HDAC4: variants seen among roughly 807,000 people sequenced by gnomAD.
The protein encoded by HDAC4 is histone deacetylase 4.
In HDAC4, 16 loss-of-function variants were observed where a neutral mutation model predicts 135.1. The ratio of observed to expected loss-of-function variants is 0.12; its 90% CI spans 0.08 to 0.18. The LOEUF is 0.18. Among genes scored for constraint, HDAC4 ranks in the 10% least tolerant of loss-of-function variants. The pLI is 1.00. For synonymous variants in HDAC4, 685 were observed against 653.4 expected (o/e 1.05, Z -0.74); for missense variants, 1,143 against 1,511.8 (o/e 0.76, Z 4.05).
intron 24 of HDAC4, chr2:239,055,139 C>T (rs2031613182): frequency 2.8e-6 from 1 of 362,724 alleles, no homozygotes; most frequent in African/African-American, 2.1e-5. Flanking sequence ...GCCATCGACG[C>T]CACAGGGTTC....
chr2:239,149,920 G>C (rs146758534), intron 7 of HDAC4, among the ~76,000 whole-genome samples: 1 of 152,248 alleles, frequency 6.6e-6, no homozygotes, highest in African/African-American at 2.4e-5. Flanking sequence ...CAATGTTTTG[G>C]AATATACATA....
At chr2:239,362,855 G>GA (rs1289053131) in intron 1 of HDAC4, among the ~76,000 whole-genome samples, 1 of 152,116 alleles carries the variant, frequency 6.6e-6, no homozygotes, top group Non-Finnish European at 1.5e-5. Context: ...GATTACAAAG[G>GA]AAAATGTCAC....
At chr2:239,101,292 T>C (rs961317677) in intron 16 of HDAC4, among the ~76,000 whole-genome samples, 3 of 152,214 alleles carry the variant, frequency 2.0e-5, no homozygotes, top group African/African-American at 7.2e-5. Context: ...ACAGCCCTAC[T>C]GGCTCCATGG....
At chr2:239,111,953 G>C (rs185053775) in intron 13 of HDAC4, among the ~76,000 whole-genome samples, 3 of 152,180 alleles carry the variant, frequency 2.0e-5, no homozygotes, top group Non-Finnish European at 4.4e-5. Context: ...GTCTCTCTAG[G>C]GAAGGCAGGC....
intron 3 of HDAC4, among the ~76,000 whole-genome samples, chr2:239,192,423 A>C (rs2045049071): frequency 1.3e-5 from 2 of 152,240 alleles, no homozygotes; most frequent in South Asian, 4.1e-4. Flanking sequence ...GTTTTATGAA[A>C]CATCAGCGTT....
chr2:239,066,923 C>T (rs773541160), intron 23 of HDAC4, 68 bp from the exon 24 acceptor site: 10 of 1,564,074 alleles, frequency 6.4e-6, no homozygotes, highest in South Asian at 3.4e-5. Context: ...CCCAGAAACG[C>T]GTCTCATGGC....
In HDAC4 at chr2:239,308,910, C is replaced by G. The variant is rs2052740193; in HGVS notation, c.22+43768G>C. Among the ~76,000 whole-genome samples the G allele has an allele frequency of 6.6e-6, 1 of 152,130 alleles. No individual in the cohort carries two copies. The highest frequency in any genetic ancestry group is 1.5e-5 in the Non-Finnish European group (1 of 68,014). ...AAGCCCTCGGAAGCACGCTGCAGGC[C>G]CCTGGAGGTGCCACAGTGCTCCCAG... On this transcript the variant is annotated intron_variant, in intron 2 of 26. Transcript: ENST00000543185. The surrounding 1 kb of genome is among the most constrained non-coding windows in gnomAD (Gnocchi z 4.2).
intron 24 of HDAC4, among the ~76,000 whole-genome samples, chr2:239,056,367 A>T (rs1277773410): frequency 6.6e-6 from 1 of 152,162 alleles, no homozygotes; most frequent in Non-Finnish European, 1.5e-5. Flanking sequence ...AAAATACAAG[A>T]CACGAGAGCC....
intron 6 of HDAC4, among the ~76,000 whole-genome samples, chr2:239,157,756 T>C (rs188576356): frequency 2.0e-5 from 3 of 152,360 alleles, no homozygotes; most frequent in African/African-American, 7.2e-5. Context: ...CCTGGAGTTA[T>C]TTGAATTAAG....
In HDAC4 at chr2:239,197,550, C is replaced by G. The variant is rs2045473352; in HGVS notation, c.95-7473G>C. Among the ~76,000 whole-genome samples, 4 of 152,208 alleles carry G rather than the reference C, an allele frequency of 2.6e-5. No homozygotes were observed. In the South Asian group the frequency reaches 8.3e-4, roughly 31 times the overall value. On this transcript the variant is annotated intron_variant, in intron 3 of 26. Transcript: ENST00000543185. ...TTCCCATTCTCTCCTTCTGGAACTT[C>G]TACCCCTTGAGTAGGAGATCTCCCA...
At chr2:239,367,443 T>A (rs1694295755) in intron 1 of HDAC4, among the ~76,000 whole-genome samples, 1 of 152,166 alleles carries the variant, frequency 6.6e-6, no homozygotes, top group Non-Finnish European at 1.5e-5. Context: ...AGTAAGCACG[T>A]TTTTTAGATG....
chr2:239,061,780 C>T (rs913650891), intron 24 of HDAC4, among the ~76,000 whole-genome samples: 5 of 152,236 alleles, frequency 3.3e-5, no homozygotes, highest in African/African-American at 9.6e-5. Flanking sequence ...GCTAAACTCC[C>T]GGGGGAAAAC....
chr2:239,297,088 A>G (rs2051949666), intron 2 of HDAC4, among the ~76,000 whole-genome samples: 1 of 151,154 alleles, frequency 6.6e-6, no homozygotes, highest in African/African-American at 2.4e-5. Context: ...GGGCTGGCCT[A>G]TGCATCCTTG....
intron 2 of HDAC4, among the ~76,000 whole-genome samples, chr2:239,322,515 C>A (rs1209899694): frequency 1.3e-5 from 2 of 152,264 alleles, no homozygotes; most frequent in Non-Finnish European, 2.9e-5. Context: ...GACTCCATCA[C>A]TGCCAGCCAT....
Position 239,309,274 on chromosome 2 carries a change from G to A in HDAC4, c.22+43404C>T, listed in dbSNP as rs998736384. On this transcript the variant is annotated intron_variant, in intron 2 of 26. Transcript: ENST00000543185. This position sits in a 1 kb window ranked among gnomAD's most constrained non-coding sequence, Gnocchi z 4.2. ...TCCATGTTGTCACATTACATAACAA[G>A]CAGATGATACGAGAGATCACCACAG... is the stretch of plus-strand genomic sequence containing the variant. 1 of 152,042 alleles carries A rather than the reference G, an allele frequency of 6.6e-6. No homozygotes were observed. Among genetic ancestry groups the A allele is most frequent in the Non-Finnish European group, 1.5e-5 (1 of 68,026 alleles). 9.4% of individuals were successfully genotyped at this position (152,042 alleles called of 1,614,324 possible). A position where few individuals can be genotyped will look rare whatever the true frequency, so the allele number is the denominator to read the frequency against.
intron 3 of HDAC4, among the ~76,000 whole-genome samples, chr2:239,199,076 T>A (rs2045587123): frequency 6.7e-6 from 1 of 149,834 alleles, no homozygotes; most frequent in South Asian, 2.1e-4. Flanking sequence ...ATGTATCTTT[T>A]AAGACCCCTT....
At chr2:239,078,007 T>A (rs541195445) in intron 22 of HDAC4, among the ~76,000 whole-genome samples, 1 of 152,322 alleles carries the variant, frequency 6.6e-6, no homozygotes, top group Non-Finnish European at 1.5e-5. Context: ...AACTTCGTAA[T>A]ATCACAGTGG....
chr2:239,185,934 T>C (rs1045889502), intron 4 of HDAC4, among the ~76,000 whole-genome samples: 1 of 152,176 alleles, frequency 6.6e-6, no homozygotes, highest in Non-Finnish European at 1.5e-5. Context: ...CTCAGGTGGC[T>C]GAGGCATGAG....
At chr2:239,093,014 A>C (rs1454062907) in intron 17 of HDAC4, among the ~76,000 whole-genome samples, 1 of 152,132 alleles carries the variant, frequency 6.6e-6, no homozygotes, top group African/African-American at 2.4e-5. Context: ...GAGGGCTGGC[A>C]GGGCTGGGAG....
Sources: gnomAD v4.1 joint callset for allele counts (sites outside exome capture counted in the v4.1 genomes callset) on GRCh38, gnomAD v4.1.1 for gene constraint, Gnocchi (gnomAD v3.1) non-coding constraint, MANE v1.5 for transcripts, NCBI Gene and HGNC (gene_info 2026-07-23, HGNC 2026-07-21) for gene names.